ADGRV1: variants seen among roughly 807,000 people sequenced by gnomAD.
The protein encoded by ADGRV1 is adhesion G protein-coupled receptor V1, also known as G-protein coupled receptor 98.
Under a neutral mutation model 596.2 loss-of-function variants are expected in ADGRV1, and 359 were observed. The ratio of observed to expected loss-of-function variants is 0.60; its 90% CI spans 0.55 to 0.66. ADGRV1 has a LOEUF of 0.66. ADGRV1 is among the 30% of genes least tolerant of loss of function. The pLI, the probability that ADGRV1 is intolerant of heterozygous loss-of-function variation, is 0.00. For missense variants in ADGRV1, 7,274 were observed against 7,575.6 expected (o/e 0.96, Z 1.48); for synonymous variants, 2,681 against 2,679.2 (o/e 1.00, Z -0.02).
chr5:90,851,102 G>GGGGTGT (rs1554136388), intron 79 of ADGRV1, among the ~76,000 whole-genome samples: 40 of 50,644 alleles, frequency 7.9e-4, no homozygotes, highest in African/African-American at 2.2e-3. Context: ...AGCTAGGTAG[G>GGGGTGT]GTGTGTGTGT....
intron 70 of ADGRV1, among the ~76,000 whole-genome samples, chr5:90,801,104 T>C (rs2438370): frequency 0.063 from 9,509 of 152,124 alleles, 562 homozygotes; most frequent in African/African-American, 0.16. Flanking sequence ...ATAGGCAGTA[T>C]AGAAAATGGT....
chr5:90,576,611 T>A (rs1427900204), intron 1 of ADGRV1, among the ~76,000 whole-genome samples: 1 of 152,232 alleles, frequency 6.6e-6, no homozygotes, highest in East Asian at 1.9e-4. Flanking sequence ...TGATTTATAA[T>A]CCTTTGGGTA....
intron 1 of ADGRV1, among the ~76,000 whole-genome samples, chr5:90,570,471 G>A (rs755682462): frequency 2.0e-5 from 3 of 152,042 alleles, no homozygotes; most frequent in African/African-American, 4.8e-5. Flanking sequence ...TTTTAAATCA[G>A]ATTTGGGAAG....
intron 77 of ADGRV1, among the ~76,000 whole-genome samples, chr5:90,832,244 C>T (rs565621299): frequency 1.3e-5 from 2 of 152,248 alleles, no homozygotes; most frequent in African/African-American, 2.4e-5. Context: ...TCCATTTTCT[C>T]CACCTTCTCA....
intron 77 of ADGRV1, among the ~76,000 whole-genome samples, chr5:90,839,374 C>T (rs1360494571): frequency 6.6e-6 from 1 of 151,998 alleles, no homozygotes. Flanking sequence ...GCCACCATGC[C>T]CGGCTAATTT....
intron 85 of ADGRV1, among the ~76,000 whole-genome samples, chr5:91,004,221 T>C (rs1191477535): frequency 1.3e-5 from 2 of 152,176 alleles, no homozygotes; most frequent in Non-Finnish European, 2.9e-5. Flanking sequence ...AGTAACATTG[T>C]ATTTTCTTCC....
chr5:90,603,444 T>A (rs146701033), intron 1 of ADGRV1, among the ~76,000 whole-genome samples: 2 of 152,274 alleles, frequency 1.3e-5, no homozygotes, highest in African/African-American at 4.8e-5. Flanking sequence ...GCTGTTTCCT[T>A]TGGTCTCTTG....
chr5:91,163,697 A>C (rs1797137872), intron 89 of ADGRV1, 85 bp from the exon 90 acceptor site: 1 of 567,022 alleles, frequency 1.8e-6, no homozygotes, highest in African/African-American at 1.9e-5. Flanking sequence ...AGAAATAAAC[A>C]GGCTTGGACC....
chr5:91,088,544 CA>C (rs537343572), intron 86 of ADGRV1, among the ~76,000 whole-genome samples: 37 of 152,034 alleles, frequency 2.4e-4, no homozygotes, highest in Admixed American at 2.3e-3. Context: ...GCATAGTGAC[CA>C]AAAAACTGTA....
intron 78 of ADGRV1, among the ~76,000 whole-genome samples, chr5:90,841,462 A>G (rs545574175): frequency 4.6e-5 from 7 of 152,340 alleles, no homozygotes; most frequent in African/African-American, 1.7e-4. Context: ...CTTTCACAGA[A>G]AAGAAAAATT....
intron 83 of ADGRV1, among the ~76,000 whole-genome samples, chr5:90,927,190 G>T (rs1353459637): frequency 1.3e-5 from 2 of 150,474 alleles, no homozygotes; most frequent in Non-Finnish European, 2.9e-5. Flanking sequence ...GGGTATCCTT[G>T]TTGACTTTCT....
At chr5:90,722,319 G>T (rs1450435979) in intron 45 of ADGRV1, among the ~76,000 whole-genome samples, 2 of 152,080 alleles carry the variant, frequency 1.3e-5, no homozygotes, top group Non-Finnish European at 2.9e-5. Context: ...TTCCAAAAAA[G>T]AATAGATGTA....
chr5:90,580,424 AG>A (rs1291375805), intron 1 of ADGRV1, among the ~76,000 whole-genome samples: 3 of 151,934 alleles, frequency 2.0e-5, no homozygotes, highest in Non-Finnish European at 4.4e-5. Context: ...TGTCACTTTC[AG>A]GCACACTAAT....
chr5:90,893,956 CAT>C (rs1471457852), intron 83 of ADGRV1, among the ~76,000 whole-genome samples: 1 of 152,072 alleles, frequency 6.6e-6, no homozygotes, highest in Non-Finnish European at 1.5e-5. Context: ...TATTGGGAAA[CAT>C]AAAGAGGATA....
At chr5:90,587,940 G>A (rs989020102) in intron 1 of ADGRV1, among the ~76,000 whole-genome samples, 24 of 152,076 alleles carry the variant, frequency 1.6e-4, no homozygotes, top group Non-Finnish European at 3.1e-4. Context: ...TATATAAAAC[G>A]TGGTTTCAAA....
intron 4 of ADGRV1, 77 bp downstream of exon 4, chr5:90,619,258 T>C: frequency 1.6e-6 from 1 of 628,486 alleles, no homozygotes; most frequent in Non-Finnish European, 2.6e-6. Context: ...TTTCATGATG[T>C]TAGCTAGTAT....
chr5:90,660,468 G>A (rs935794647), intron 21 of ADGRV1, among the ~76,000 whole-genome samples: 1 of 152,264 alleles, frequency 6.6e-6, no homozygotes, highest in East Asian at 1.9e-4. Context: ...TAGAAATAAA[G>A]ACTACAGCCA....
chr5:90,791,371 T>C, intron 70 of ADGRV1, 25 bp downstream of exon 70: 1 of 1,488,044 alleles, frequency 6.7e-7, no homozygotes, highest in Middle Eastern at 1.7e-4. Flanking sequence ...TTCAGTTTCC[T>C]GATCATTCCA....
rs1358356638 is a variant in ADGRV1 at position 90,969,874 on chromosome 5, G to A, written c.17973+4343G>A. ...TCTCACGGGGCCTGATCGGACAGTG[G>A]AGGCAGGACAGTGGGTGCAACCCAC... is the stretch of plus-strand genomic sequence containing the variant. On this transcript the variant is annotated intron_variant, in intron 84 of 89. Coordinates refer to ENST00000405460, the MANE Select transcript of ADGRV1 (RefSeq NM_032119.4). 2.0e-5 allele frequency among the ~76,000 whole-genome samples: 3 copies of A among 152,320 alleles called. No homozygotes were observed. The East Asian group carries it at 5.8e-4, about 30-fold the overall frequency.
Sources: allele counts gnomAD v4.1 joint callset (sites outside exome capture counted in the v4.1 genomes callset), GRCh38; gene constraint gnomAD v4.1.1; transcripts MANE v1.5; gene names NCBI Gene and HGNC (gene_info 2026-07-23, HGNC 2026-07-21).